Variants in LANCL2 observed in about 807,000 individuals in gnomAD.
The protein encoded by LANCL2 is LanC like glutathione S-transferase 2, also known as lanC-like protein 2.
LANCL2 carries 33 observed loss-of-function variants against 56.9 expected under a neutral mutation model. The observed-to-expected ratio is 0.58, with a 90% CI of 0.44 to 0.78. The LOEUF (loss-of-function observed/expected upper bound fraction) is 0.78. Among genes scored for constraint, LANCL2 ranks in the 30% least tolerant of loss-of-function variants. LANCL2 has a pLI of 0.00. For synonymous variants in LANCL2, 233 were observed against 228.2 expected (o/e 1.02, Z -0.19); for missense variants, 562 against 580.2 (o/e 0.97, Z 0.32).
intron 1 of LANCL2, among the ~76,000 whole-genome samples, chr7:55,373,631 C>G (rs1473612396): frequency 6.6e-6 from 1 of 152,072 alleles, no homozygotes; most frequent in Non-Finnish European, 1.5e-5. Flanking sequence ...CTGCTTGATA[C>G]TGAAATAAGA....
At chr7:55,372,469 T>A (rs1789954058) in intron 1 of LANCL2, among the ~76,000 whole-genome samples, 1 of 152,238 alleles carries the variant, frequency 6.6e-6, no homozygotes, top group Non-Finnish European at 1.5e-5. Flanking sequence ...TAATATAACA[T>A]AGTTGTAATA....
At chr7:55,390,212 A>G (rs1790170390) in intron 1 of LANCL2, among the ~76,000 whole-genome samples, 1 of 145,282 alleles carries the variant, frequency 6.9e-6, no homozygotes. Flanking sequence ...GAACTTCCAA[A>G]TATATGAAAG....
chr7:55,386,228 A>G (rs1790124189), intron 1 of LANCL2, among the ~76,000 whole-genome samples: 1 of 152,238 alleles, frequency 6.6e-6, no homozygotes, highest in African/African-American at 2.4e-5. Context: ...AAAGACAGGC[A>G]TAGGAAATCA....
chr7:55,382,317 T>G (rs537150759), intron 1 of LANCL2, among the ~76,000 whole-genome samples: 5 of 152,010 alleles, frequency 3.3e-5, no homozygotes, highest in African/African-American at 1.2e-4. Flanking sequence ...AAGAGTCTCA[T>G]GGATATTTTA....
chr7:55,387,794 A>T (rs1192621156), intron 1 of LANCL2, among the ~76,000 whole-genome samples: 2 of 152,200 alleles, frequency 1.3e-5, no homozygotes, highest in Non-Finnish European at 2.9e-5. Context: ...ACTTGTTCTA[A>T]ATATCCTTTT....
chr7:55,384,023 G>T (rs1790098238), intron 1 of LANCL2, among the ~76,000 whole-genome samples: 1 of 151,796 alleles, frequency 6.6e-6, no homozygotes, highest in South Asian at 2.1e-4. Flanking sequence ...AGAGGGAAGA[G>T]AATTAGTAAT....
At chr7:55,410,889 T>A (rs1431370256) in intron 5 of LANCL2, among the ~76,000 whole-genome samples, 1 of 151,862 alleles carries the variant, frequency 6.6e-6, no homozygotes, top group Non-Finnish European at 1.5e-5. Flanking sequence ...CCTAAAGATG[T>A]GAGGTGTTAA....
intron 3 of LANCL2, 22 bp downstream of exon 3, chr7:55,398,652 A>G (rs1790284259): frequency 6.4e-7 from 1 of 1,566,254 alleles, no homozygotes; most frequent in East Asian, 2.2e-5. Context: ...AACTGGAAAC[A>G]TTTTCTCCCA....
intron 1 of LANCL2, among the ~76,000 whole-genome samples, chr7:55,384,420 C>T (rs562642841): frequency 1.3e-5 from 2 of 152,132 alleles, no homozygotes; most frequent in African/African-American, 4.8e-5. Flanking sequence ...GGTGTGGTGG[C>T]GGGCACCTGT....
chr7:55,421,559 TC>T (rs1213586352), intron 6 of LANCL2, among the ~76,000 whole-genome samples: 1 of 152,160 alleles, frequency 6.6e-6, no homozygotes, highest in Non-Finnish European at 1.5e-5. Flanking sequence ...GCCAGGCTGG[TC>T]TCAAACTCCT....
rs1163436452 is a variant in LANCL2, at chr7:55,432,428, T to C, written c.*1108T>C. 6.6e-6 allele frequency: 1 copy of C among 152,216 alleles called. No individual in the cohort carries two copies. Among genetic ancestry groups the C allele is most frequent in the Non-Finnish European group, 1.5e-5 (1 of 68,042 alleles). 9.4% of individuals were successfully genotyped at this position (152,216 alleles called of 1,614,324 possible). A position where few individuals can be genotyped will look rare whatever the true frequency, so the allele number is the denominator to read the frequency against. On this transcript the variant is annotated 3_prime_UTR_variant, in exon 9 of 9. Transcript: ENST00000254770. Reference sequence around the variant, plus strand: ...ACAACATTATGGTATTTGTGTGACTTTTATTTGAAAAAATGTGAGCAGTAA... The same window carrying C: ...ACAACATTATGGTATTTGTGTGACTCTTATTTGAAAAAATGTGAGCAGTAA...
chr7:55,399,927 G>A (rs1377633879), intron 3 of LANCL2, 30 bp from the exon 4 acceptor site: 4 of 1,587,838 alleles, frequency 2.5e-6, no homozygotes, highest in Admixed American at 1.7e-5. Flanking sequence ...GACTTCCACT[G>A]GGAAAAAATT....
Position 55,402,662 on chromosome 7 carries a change from C to T in LANCL2, c.825+1342C>T, listed in dbSNP as rs1363172919. 2.4e-5 allele frequency among the ~76,000 whole-genome samples: 3 copies of T among 122,676 alleles called. 1 individual carries two copies. Among genetic ancestry groups the T allele is most frequent in the East Asian group, 2.2e-4 (1 of 4,528 alleles). 80.5% of individuals were successfully genotyped at this position (122,676 alleles called of 152,430 possible). A position where few individuals can be genotyped will look rare whatever the true frequency, so the allele number is the denominator to read the frequency against. ...GCTGGGCGGGGGGCTAACCCCCCCACCTCCCTTCCGGACGGGGCGGCTGGC... is the reference window on the plus strand; with the variant it reads ...GCTGGGCGGGGGGCTAACCCCCCCATCTCCCTTCCGGACGGGGCGGCTGGC... On this transcript the variant is annotated intron_variant, in intron 5 of 8. Transcript: ENST00000254770.
chr7:55,366,722 CT>C (rs1185060495), intron 1 of LANCL2, among the ~76,000 whole-genome samples: 2 of 152,256 alleles, frequency 1.3e-5, no homozygotes, highest in Non-Finnish European at 2.9e-5. Flanking sequence ...CCAAACTTGA[CT>C]TTCTTAGTGT....
intron 1 of LANCL2, among the ~76,000 whole-genome samples, chr7:55,382,462 A>G (rs1790080318): frequency 6.6e-6 from 1 of 152,204 alleles, no homozygotes; most frequent in African/African-American, 2.4e-5. Context: ...GACGGGAATC[A>G]CAATTTGTAT....
chr7:55,395,622 A>G (rs1790241396), intron 2 of LANCL2, among the ~76,000 whole-genome samples: 1 of 152,162 alleles, frequency 6.6e-6, no homozygotes, highest in Non-Finnish European at 1.5e-5. Flanking sequence ...AAAATCAAAG[A>G]GAAAGAAAGA....
At chr7:55,413,907 C>T (rs946716397) in intron 6 of LANCL2, among the ~76,000 whole-genome samples, 12 of 152,132 alleles carry the variant, frequency 7.9e-5, no homozygotes, top group Admixed American at 5.9e-4. Context: ...TTTGAAAAAG[C>T]ATATATATTT....
chr7:55,391,823 A>G lies in LANCL2; in HGVS notation c.235A>G (p.Thr79Ala), dbSNP rs753861771. The change falls in exon 2 of 9, where the codon ACC becomes GCC. Residue 79 changes from threonine to alanine, a missense_variant. Physicochemically the swap from Thr to Ala is moderately conservative, Grantham distance 58. This residue lies in a region of LANCL2 where 184 missense variants were observed against 111.8 expected (regional missense o/e 1.65). Transcript: ENST00000254770. ...IIHNFIRRIQ[T>A]KIKDLLQQME... is the part of the protein sequence containing the mutation. ...TCATAATTTCATAAGACGGATCCAG[A>G]CCAAAATTAAAGATCTTCTGCAGCA... is the stretch of plus-strand genomic sequence containing the variant. 4.3e-6 allele frequency: 7 copies of G among 1,610,662 alleles called. No homozygotes were observed. The African/African-American group carries it at 9.4e-5, about 22-fold the overall frequency.
At chr7:55,388,356 G>C (rs1042590612) in intron 1 of LANCL2, among the ~76,000 whole-genome samples, 1 of 152,172 alleles carries the variant, frequency 6.6e-6, no homozygotes, top group Non-Finnish European at 1.5e-5. Context: ...GACCAGGCTG[G>C]CCAACAGGGT....
Sources: allele counts gnomAD v4.1 joint callset (sites outside exome capture counted in the v4.1 genomes callset), GRCh38; gene constraint gnomAD v4.1.1; regional missense constraint gnomAD v4.1.1; transcripts MANE v1.5; gene names NCBI Gene and HGNC (gene_info 2026-07-23, HGNC 2026-07-21).